Variants in LRGUK observed in about 807,000 individuals in gnomAD.
LRGUK encodes leucine-rich repeat and guanylate kinase domain-containing protein.
LRGUK carries 65 observed loss-of-function variants against 76.0 expected under a neutral mutation model. The observed-to-expected ratio is 0.85, with a 90% CI of 0.70 to 1.05. The LOEUF (loss-of-function observed/expected upper bound fraction) is 1.05, where lower values mean the gene tolerates loss of function less well. Ranked by LOEUF, LRGUK falls within the 50% of genes least tolerant of loss-of-function variation. The pLI, the probability that LRGUK is intolerant of heterozygous loss-of-function variation, is 0.00. For synonymous variants in LRGUK, 268 were observed against 265.6 expected, an observed-to-expected ratio of 1.01 and a Z score of -0.09; for missense variants, 758 against 732.8, an observed-to-expected ratio of 1.03 and a Z score of -0.40.
chr7:134,211,085 T>C (rs924138320), downstream of LRGUK, among the ~76,000 whole-genome samples: 1 of 152,220 alleles, frequency 6.6e-6, no homozygotes, highest in African/African-American at 2.4e-5. Flanking sequence ...CCTGAACCCA[T>C]GGTCAGCGTA....
At chr7:134,176,977 G>A in exon 9 of LRGUK, 1 of 1,575,146 alleles carries the variant, frequency 6.3e-7, no homozygotes, top group Non-Finnish European at 8.7e-7. Context: ...TTTTAAATAG[G>A]AAAAGTCTGA....
intron 11 of LRGUK, among the ~76,000 whole-genome samples, chr7:134,186,090 A>G (rs1799970307): frequency 6.6e-6 from 1 of 152,240 alleles, no homozygotes; most frequent in Non-Finnish European, 1.5e-5. Context: ...AAAGTGACCT[A>G]TGAGGAACCA....
At chr7:134,200,785 T>C (rs1800736129) in intron 14 of LRGUK, among the ~76,000 whole-genome samples, 1 of 152,218 alleles carries the variant, frequency 6.6e-6, no homozygotes, top group Non-Finnish European at 1.5e-5. Flanking sequence ...CTTAGTGTCT[T>C]AAAGCAACAC....
chr7:134,185,327 G>A (rs1173804693), intron 11 of LRGUK, among the ~76,000 whole-genome samples: 1 of 152,106 alleles, frequency 6.6e-6, no homozygotes, highest in Non-Finnish European at 1.5e-5. Flanking sequence ...TTGGGAGGCT[G>A]AGGTGGGCGG....
rs770596816 is a variant in LRGUK, at chr7:134,178,628, A to G, written c.1214+19A>G. ...TTGACAGGTACTTATTAGAAATCCA[A>G]AGGCCGGAATTCAGGGTGAGCAAGC... On this transcript the variant is annotated intron_variant, in intron 10 of 15. Transcript: ENST00000645682. The G allele has an allele frequency of 1.3e-6, 2 of 1,598,006 alleles. No homozygotes were observed. Among genetic ancestry groups the G allele is most frequent in the Admixed American group, 3.4e-5 (2 of 59,282 alleles).
At chr7:134,247,772 AG>A in intron 17 of LRGUK, 128 bp downstream of exon 17, 1 of 606,514 alleles carries the variant, frequency 1.6e-6, no homozygotes, top group Non-Finnish European at 2.8e-6. Context: ...CAGCAGTAAA[AG>A]CAGTTCTAGA....
intron 3 of LRGUK, chr7:134,141,782 C>T (rs1292361110): frequency 2.0e-5 from 3 of 152,226 alleles, no homozygotes; most frequent in Admixed American, 6.5e-5. Flanking sequence ...ACTTGGAAAG[C>T]AATTACAGTT....
At chr7:134,181,518 T>TTA (rs1332109235) in intron 10 of LRGUK, among the ~76,000 whole-genome samples, 50 of 10,196 alleles carry the variant, frequency 4.9e-3, no homozygotes, top group Non-Finnish European at 2.7e-3. Context: ...CAATGCGTAG[T>TTA]GTTTTTTGTT....
At chr7:134,216,516 T>C (rs1450483661) in intron 15 of LRGUK, among the ~76,000 whole-genome samples, 2 of 152,154 alleles carry the variant, frequency 1.3e-5, no homozygotes, top group African/African-American at 2.4e-5. Context: ...GAGATTATTA[T>C]GAATTTCCAT....
chr7:134,207,309 A>G (rs1044676638), intron 15 of LRGUK, among the ~76,000 whole-genome samples: 1 of 152,086 alleles, frequency 6.6e-6, no homozygotes. Context: ...ATACCCATTA[A>G]TCTATTACTC....
At chr7:134,213,948 A>C (rs531196444), downstream of LRGUK, among the ~76,000 whole-genome samples, 89 of 152,364 alleles carry the variant, frequency 5.8e-4, no homozygotes, top group African/African-American at 1.9e-3. Context: ...GAACAAAAAA[A>C]CATTGTGGCT....
intron 3 of LRGUK, chr7:134,141,746 G>A (rs1797774452): frequency 6.6e-6 from 1 of 152,198 alleles, no homozygotes; most frequent in Non-Finnish European, 1.5e-5. Flanking sequence ...ACATGTAGCT[G>A]AGCTCAGCAT....
intron 12 of LRGUK, among the ~76,000 whole-genome samples, chr7:134,195,416 T>G (rs1800437212): frequency 6.6e-6 from 1 of 152,240 alleles, no homozygotes; most frequent in Non-Finnish European, 1.5e-5. Context: ...TGCCCAAGAA[T>G]GAACAAGAAC....
intron 10 of LRGUK, among the ~76,000 whole-genome samples, chr7:134,181,529 T>A (rs1714212466): frequency 6.6e-6 from 1 of 152,038 alleles, no homozygotes; most frequent in Non-Finnish European, 1.5e-5. Flanking sequence ...GTTTTTTGTT[T>A]GTTTGTTTGT....
At chr7:134,161,631 A>C (rs899042128) in intron 6 of LRGUK, among the ~76,000 whole-genome samples, 1 of 151,968 alleles carries the variant, frequency 6.6e-6, no homozygotes, top group Non-Finnish European at 1.5e-5. Flanking sequence ...CTTGCTATGA[A>C]ATGTACCAGA....
intron 16 of LRGUK, among the ~76,000 whole-genome samples, chr7:134,230,576 T>C (rs1362034132): frequency 2.0e-5 from 3 of 152,168 alleles, no homozygotes; most frequent in African/African-American, 7.2e-5. Context: ...AGTCCTAAAC[T>C]AGAAATTCAC....
At chr7:134,171,667 T>G (rs1259227762) in intron 7 of LRGUK, among the ~76,000 whole-genome samples, 1 of 152,070 alleles carries the variant, frequency 6.6e-6, no homozygotes, top group Non-Finnish European at 1.5e-5. Context: ...GACTGGAGTC[T>G]GGGGATCAAC....
exon 16 of LRGUK, chr7:134,208,722 A>C (rs1390789055): frequency 2.5e-6 from 1 of 398,916 alleles, no homozygotes; most frequent in Non-Finnish European, 4.4e-6. Flanking sequence ...CCCGCTAGCA[A>C]GAAGACTGTC....
exon 6 of LRGUK, chr7:134,158,076 A>C (rs1472958539): frequency 4.3e-6 from 7 of 1,612,934 alleles, no homozygotes; most frequent in Non-Finnish European, 5.9e-6. Flanking sequence ...GATGTGCAAC[A>C]ACCTAATTCA....
Sources: allele counts gnomAD v4.1 joint callset (sites outside exome capture counted in the v4.1 genomes callset), GRCh38; gene constraint gnomAD v4.1.1; transcripts MANE v1.5; gene names NCBI Gene and HGNC (gene_info 2026-07-23, HGNC 2026-07-21).